Variants in RARB observed in about 807,000 individuals in gnomAD.
RARB encodes retinoic acid receptor beta.
A neutral mutation model predicts 51.9 loss-of-function variants in RARB; 17 were observed. The observed-to-expected ratio is 0.33, with a 90% CI of 0.22 to 0.49. The LOEUF is 0.49. Ranked by LOEUF, RARB falls within the 20% of genes least tolerant of loss-of-function variation. The pLI is 0.99. For synonymous variants in RARB, 215 were observed against 195.4 expected (o/e 1.10, Z -0.84); for missense variants, 369 against 550.8 (o/e 0.67, Z 3.30).
At chr3:25,209,771 T>A (rs1701646303) in intron 5 of RARB, among the ~76,000 whole-genome samples, 1 of 152,196 alleles carries the variant, frequency 6.6e-6, no homozygotes, top group South Asian at 2.1e-4. Flanking sequence ...AATGCAGTCC[T>A]ATTCAACTGA....
chr3:25,506,147 G>C (rs1282397751), intron 3 of RARB, among the ~76,000 whole-genome samples: 1 of 151,400 alleles, frequency 6.6e-6, no homozygotes, highest in Non-Finnish European at 1.5e-5. Context: ...CAGCTACTCA[G>C]GAGGCCAAGG....
At chr3:24,889,165 T>C (rs1417673994) in intron 2 of RARB, among the ~76,000 whole-genome samples, 5 of 152,204 alleles carry the variant, frequency 3.3e-5, no homozygotes, top group Admixed American at 2.0e-4. Context: ...AAATGCCATC[T>C]CTTTTCCTTT....
At chr3:24,913,890 C>G (rs1695052703) in intron 2 of RARB, among the ~76,000 whole-genome samples, 1 of 152,194 alleles carries the variant, frequency 6.6e-6, no homozygotes, top group Admixed American at 6.5e-5. Flanking sequence ...GGGGTTTACT[C>G]ACTATGTATT....
At chr3:25,331,021 G>A (rs914435191) in intron 5 of RARB, among the ~76,000 whole-genome samples, 1 of 152,112 alleles carries the variant, frequency 6.6e-6, no homozygotes, top group Non-Finnish European at 1.5e-5. Context: ...CCAGATTCAT[G>A]AAGCAAGTCC....
In RARB at chr3:25,188,521, C is replaced by T. The variant is rs1287443259; in HGVS notation, c.178+13946C>T. 2.0e-5 allele frequency among the ~76,000 whole-genome samples: 3 copies of T among 152,078 alleles called. No individual in the cohort carries two copies. In the East Asian group the frequency reaches 5.8e-4, roughly 29 times the overall value. On this transcript the variant is annotated intron_variant, in intron 5 of 11. Transcript: ENST00000383772. ...GAAGTGTTAACTTCTAAGCTAAGGT[C>T]CTGATCGTGCAGTGGTAAAATTTCC...
In RARB at chr3:25,468,050, C is replaced by T. The variant is rs74985346; in HGVS notation, c.306+6709C>T. On this transcript the variant is annotated intron_variant, in intron 2 of 7. Transcript: ENST00000330688. The stretch of plus-strand genomic sequence containing the variant: ...GATCTCATGGCTGAGGAGGAACCAG[C>T]GGTGTGAGTCATAGAGAGAAAGCAT... Among the ~76,000 whole-genome samples, 103 of 152,146 alleles carry T rather than the reference C, an allele frequency of 6.8e-4. 1 individual carries two copies. Among genetic ancestry groups the T allele is most frequent in the Non-Finnish European group, 1.4e-3 (92 of 68,002 alleles).
intron 2 of RARB, among the ~76,000 whole-genome samples, chr3:24,970,946 T>A (rs774835331): frequency 6.6e-5 from 10 of 152,036 alleles, no homozygotes; most frequent in Non-Finnish European, 1.3e-4. Context: ...TCAGTTACAA[T>A]TGTTCTTCTC....
intron 2 of RARB, among the ~76,000 whole-genome samples, chr3:25,016,531 G>A (rs1697512575): frequency 6.6e-6 from 1 of 152,144 alleles, no homozygotes; most frequent in South Asian, 2.1e-4. Context: ...ATGTTCCAAC[G>A]TTACTGGTTT....
intron 5 of RARB, among the ~76,000 whole-genome samples, chr3:25,267,612 C>A (rs976199720): frequency 2.0e-5 from 3 of 152,162 alleles, no homozygotes; most frequent in Non-Finnish European, 4.4e-5. Flanking sequence ...TCCTACAGAA[C>A]CTTCTCTTCC....
chr3:25,372,819 C>G (rs1223415084), intron 5 of RARB, among the ~76,000 whole-genome samples: 1 of 152,042 alleles, frequency 6.6e-6, no homozygotes, highest in Non-Finnish European at 1.5e-5. Context: ...GAGGAAGACT[C>G]TATCTCCAAA....
chr3:25,462,925 C>G (rs1024733241), intron 2 of RARB, among the ~76,000 whole-genome samples: 4 of 152,234 alleles, frequency 2.6e-5, no homozygotes, highest in African/African-American at 9.6e-5. Context: ...ATTACTACTT[C>G]TGCCACACTA....
At chr3:25,490,250 T>C (rs1239470591) in intron 2 of RARB, among the ~76,000 whole-genome samples, 1 of 152,178 alleles carries the variant, frequency 6.6e-6, no homozygotes, top group Non-Finnish European at 1.5e-5. Context: ...GAAAATTAAA[T>C]AGACTTGGAA....
intron 4 of RARB, 60 bp downstream of exon 4, chr3:25,569,978 G>C: frequency 1.4e-6 from 2 of 1,430,856 alleles, no homozygotes; most frequent in Non-Finnish European, 1.9e-6. Flanking sequence ...GTGCATGTGT[G>C]CAGACACACA....
At chr3:25,351,925 C>T (rs533068245) in intron 5 of RARB, among the ~76,000 whole-genome samples, 2 of 152,132 alleles carry the variant, frequency 1.3e-5, no homozygotes, top group Non-Finnish European at 2.9e-5. Flanking sequence ...CTATAGCTGT[C>T]GGAGTTTTCT....
chr3:24,959,530 G>T (rs939813174), intron 2 of RARB, among the ~76,000 whole-genome samples: 2 of 152,184 alleles, frequency 1.3e-5, no homozygotes, highest in African/African-American at 4.8e-5. Context: ...GGGTAGGCCA[G>T]GAGTAGTTTT....
intron 5 of RARB, among the ~76,000 whole-genome samples, chr3:25,376,268 C>T (rs1430153568): frequency 6.6e-6 from 1 of 152,144 alleles, no homozygotes; most frequent in Non-Finnish European, 1.5e-5. Context: ...TTATTAACTC[C>T]CCAGAAAAGT....
chr3:25,510,271 A>G (rs572184956), intron 3 of RARB, among the ~76,000 whole-genome samples: 7 of 152,308 alleles, frequency 4.6e-5, no homozygotes, highest in African/African-American at 1.7e-4. Context: ...GTTCTTGCAC[A>G]TATTTAAAGC....
At chr3:25,412,734 C>T (rs1032685086) in intron 5 of RARB, among the ~76,000 whole-genome samples, 1 of 152,150 alleles carries the variant, frequency 6.6e-6, no homozygotes, top group African/African-American at 2.4e-5. Flanking sequence ...AGAACATGAC[C>T]ATGGGCCGGG....
chr3:25,196,459 C>T (rs1459700799), intron 5 of RARB, among the ~76,000 whole-genome samples: 3 of 152,134 alleles, frequency 2.0e-5, no homozygotes, highest in Non-Finnish European at 4.4e-5. Context: ...TTTTCTTAAT[C>T]CAGTCTATCA....
Sources: gnomAD v4.1 joint callset for allele counts (sites outside exome capture counted in the v4.1 genomes callset) on GRCh38, gnomAD v4.1.1 for gene constraint, MANE v1.5 for transcripts, NCBI Gene and HGNC (gene_info 2026-07-23, HGNC 2026-07-21) for gene names.